GSR: variants seen among roughly 807,000 people sequenced by gnomAD.
GSR encodes glutathione reductase, mitochondrial.
Under a neutral mutation model 56.5 loss-of-function variants are expected in GSR, and 48 were observed. That is an observed-to-expected ratio of 0.85 (90% CI 0.67 to 1.08). GSR has a LOEUF of 1.08. Ranked by LOEUF, GSR falls within the 50% of genes least tolerant of loss-of-function variation. GSR has a pLI of 0.00. For missense variants in GSR, 694 were observed against 703.3 expected (o/e 0.99, Z 0.15); for synonymous variants, 264 against 270.8 (o/e 0.97, Z 0.25).
At chr8:30,685,806 T>C (rs1803140685) in intron 9 of GSR, among the ~76,000 whole-genome samples, 1 of 151,512 alleles carries the variant, frequency 6.6e-6, no homozygotes, top group African/African-American at 2.4e-5. Flanking sequence ...TGAAACCCTG[T>C]CTCTACTAAA....
chr8:30,699,985 G>A, intron 6 of GSR, 96 bp downstream of exon 6: 1 of 859,610 alleles, frequency 1.2e-6, no homozygotes, highest in South Asian at 1.3e-5. Context: ...ATTCAGGAAA[G>A]GCCTACATTA....
chr8:30,693,074 A>G lies in GSR; in HGVS notation c.796-19T>C, dbSNP rs776218595. The G allele has an allele frequency of 1.4e-5, 21 of 1,483,920 alleles. No individual in the cohort carries two copies. Among genetic ancestry groups the G allele is most frequent in the Non-Finnish European group, 1.8e-5 (19 of 1,061,406 alleles). The allele number at this position is 1,483,920 out of a possible 1,614,324, so 91.9% of individuals were successfully genotyped here. On this transcript the variant is annotated intron_variant, in intron 7 of 12. Coordinates refer to ENST00000221130, the MANE Select transcript of GSR (RefSeq NM_000637.5). ...TAAGTACCTGCATATCAACATAGGG[A>G]TGGGTAATGCGAGAGGAAGAAAACT...
intron 3 of GSR, among the ~76,000 whole-genome samples, chr8:30,708,430 G>A (rs1489548501): frequency 6.6e-6 from 1 of 152,230 alleles, no homozygotes; most frequent in Non-Finnish European, 1.5e-5. Flanking sequence ...GATGTGCACA[G>A]GACGTGGTGG....
chr8:30,709,269 G>T (rs8190944), intron 3 of GSR, among the ~76,000 whole-genome samples: 9,152 of 152,134 alleles, frequency 0.06, 805 homozygotes, highest in African/African-American at 0.19. Context: ...GGAGGCTGAA[G>T]TGGGAGGATA....
chr8:30,687,420 TG>T (rs1193092691), intron 9 of GSR: 1 of 151,866 alleles, frequency 6.6e-6, no homozygotes, highest in Non-Finnish European at 1.5e-5. Flanking sequence ...CCACGGTGGG[TG>T]GATCACCTGA....
At chr8:30,711,640 T>C (rs894332273) in intron 2 of GSR, among the ~76,000 whole-genome samples, 1 of 152,102 alleles carries the variant, frequency 6.6e-6, no homozygotes, top group Admixed American at 6.6e-5. Flanking sequence ...GAGACCAGCC[T>C]GGCCAACACG....
At chr8:30,688,233 A>G (rs1200091740) in intron 9 of GSR, among the ~76,000 whole-genome samples, 8 of 152,172 alleles carry the variant, frequency 5.3e-5, no homozygotes. Context: ...AGAGACATTC[A>G]CATAGCAAAA....
chr8:30,715,181 T>C (rs2128747613), intron 1 of GSR, among the ~76,000 whole-genome samples: 1 of 152,258 alleles, frequency 6.6e-6, no homozygotes, highest in Non-Finnish European at 1.5e-5. Context: ...TAGTTCCAGC[T>C]ATTCAGGAGG....
Position 30,703,535 on chromosome 8 carries a change from T to G in GSR, c.493-295A>C, listed in dbSNP as rs556581369. 9.9e-5 allele frequency among the ~76,000 whole-genome samples: 15 copies of G among 152,096 alleles called. No individual in the cohort carries two copies. In the East Asian group the frequency reaches 2.5e-3, roughly 26 times the overall value. Reference sequence around the variant, plus strand: ...GCAGAGGTGGGTGGATAGCTTGAGCTCAGGAGTTCGAGACCAGCCTGGGAA... The same window carrying G: ...GCAGAGGTGGGTGGATAGCTTGAGCGCAGGAGTTCGAGACCAGCCTGGGAA... On this transcript the variant is annotated intron_variant, in intron 4 of 12. Coordinates refer to ENST00000221130, the MANE Select transcript of GSR (RefSeq NM_000637.5).
intron 9 of GSR, among the ~76,000 whole-genome samples, chr8:30,684,929 ATT>A (rs1328529610): frequency 0.062 from 16 of 258 alleles, no homozygotes; most frequent in East Asian, 0.2. Context: ...TTTAACATAC[ATT>A]TATTTATTTA....
chr8:30,692,892 A>T, intron 8 of GSR, 77 bp downstream of exon 8: 1 of 886,416 alleles, frequency 1.1e-6, no homozygotes, highest in Non-Finnish European at 1.9e-6. Flanking sequence ...TTGTGTTTTT[A>T]AACTAACTGG....
intron 9 of GSR, chr8:30,687,576 A>G (rs1803204282): frequency 6.6e-6 from 1 of 152,168 alleles, no homozygotes; most frequent in African/African-American, 2.4e-5. Flanking sequence ...AGAACCCAGG[A>G]GGCAGAGGTT....
intron 11 of GSR, 28 bp downstream of exon 11, chr8:30,681,902 A>T (rs1802972393): frequency 6.2e-7 from 1 of 1,611,134 alleles, no homozygotes; most frequent in Admixed American, 1.7e-5. Flanking sequence ...AGGAAACCAC[A>T]AATGACCTTC....
Position 30,708,088 on chromosome 8 carries a change from T to A in GSR, c.476A>T (p.Gln159Leu), listed in dbSNP as rs759955082. The change falls in exon 4 of 13, where the codon CAA becomes CTA. Residue 159 changes from glutamine (Q) to leucine (L), a missense_variant. By Grantham distance (113) the Gln-to-Leu change is moderately radical. Coordinates refer to ENST00000221130, the MANE Select transcript of GSR (RefSeq NM_000637.5). The stretch of plus-strand genomic sequence containing the variant: ...CATACACACCTTGGTGAGATTGTTT[T>A]GATAGATGGCATTCAGGCGGCTCAC... Reference protein sequence around the residue: ...AYVSRLNAIYQNNLTKSHIEI... With the variant: ...AYVSRLNAIYLNNLTKSHIEI... 1.2e-5 allele frequency: 19 copies of A among 1,612,948 alleles called. No homozygotes were observed. The African/African-American group carries it at 2.4e-4, about 20-fold the overall frequency.
At position 30,679,452 on chromosome 8, in the gene GSR, A is replaced by G; in HGVS notation, c.*68T>C. 2 of 1,412,488 alleles carry G rather than the reference A, an allele frequency of 1.4e-6. No homozygotes were observed. The highest frequency in any genetic ancestry group is 2.0e-6 in the Non-Finnish European group (2 of 999,734). 87.5% of individuals were successfully genotyped at this position (1,412,488 alleles called of 1,614,324 possible). A position where few individuals can be genotyped will look rare whatever the true frequency, so the allele number is the denominator to read the frequency against. On this transcript the variant is annotated 3_prime_UTR_variant, in exon 13 of 13. Coordinates refer to ENST00000221130, the MANE Select transcript of GSR (RefSeq NM_000637.5). Reference sequence around the variant, plus strand: ...TACATAAAACTCAAACAGTAAGTCAATGTGATTATTTGTTTCATTTCAGAA... The same window carrying G: ...TACATAAAACTCAAACAGTAAGTCAGTGTGATTATTTGTTTCATTTCAGAA...
intron 1 of GSR, among the ~76,000 whole-genome samples, chr8:30,714,900 A>G (rs1296466683): frequency 3.3e-5 from 5 of 152,182 alleles, no homozygotes; most frequent in Non-Finnish European, 2.9e-5. Flanking sequence ...TTAAATGTTT[A>G]CAAGCAGCAA....
Position 30,725,739 on chromosome 8 carries a change from G to A in GSR, c.306+1791C>T, listed in dbSNP as rs749357559. On this transcript the variant is annotated intron_variant, in intron 1 of 12. Transcript: ENST00000221130. ...TCTATTAAAAGTACAAAAACTAGCC[G>A]GGCATGGTGGCATGCACCTGCATTC... Among the ~76,000 whole-genome samples the A allele has an allele frequency of 1.3e-4, 19 of 150,970 alleles. No homozygotes were observed. In the East Asian group the frequency reaches 1.8e-3, roughly 14 times the overall value.
At chr8:30,686,052 C>T (rs865812319) in intron 9 of GSR, among the ~76,000 whole-genome samples, 1 of 146,274 alleles carries the variant, frequency 6.8e-6, no homozygotes, top group Non-Finnish European at 1.5e-5. Context: ...AAATTCAAAT[C>T]CTAGCTCTGC....
chr8:30,689,848 T>C (rs1270590485), intron 8 of GSR, among the ~76,000 whole-genome samples: 5 of 142,254 alleles, frequency 3.5e-5, no homozygotes, highest in Non-Finnish European at 7.6e-5. Flanking sequence ...ATGCATATTA[T>C]ATATAAATAT....
Sources: gnomAD v4.1 joint callset for allele counts (sites outside exome capture counted in the v4.1 genomes callset) on GRCh38, gnomAD v4.1.1 for gene constraint, MANE v1.5 for transcripts, NCBI Gene and HGNC (gene_info 2026-07-23, HGNC 2026-07-21) for gene names.